The following SZRD1 variants were observed in gnomAD, a reference collection of about 807,000 sequenced individuals.
The protein encoded by SZRD1 is SUZ RNA-binding domain-containing.
Under a neutral mutation model 17.6 loss-of-function variants are expected in SZRD1, and 7 were observed. The observed-to-expected ratio is 0.40, with a 90% confidence interval of 0.23 to 0.75. The LOEUF (loss-of-function observed/expected upper bound fraction) is 0.75, where lower values mean the gene tolerates loss of function less well. Ranked by LOEUF, SZRD1 falls within the 30% of genes least tolerant of loss-of-function variation. The pLI is 0.38. For missense variants in SZRD1, 178 were observed against 201.8 expected (o/e 0.88, Z 0.71); for synonymous variants, 77 against 77.9 (o/e 0.99, Z 0.06).
intron 1 of SZRD1, among the ~76,000 whole-genome samples, chr1:16,376,143 T>A (rs988592894): frequency 6.6e-6 from 1 of 152,118 alleles, no homozygotes; most frequent in Admixed American, 6.6e-5. Context: ...GGGGAGGAAA[T>A]CATGTGGTCG....
chr1:16,391,392 G>A lies in SZRD1; in HGVS notation c.69G>A (p.Leu23=). The A allele has an allele frequency of 1.3e-6, 2 of 1,548,452 alleles. No individual in the cohort carries two copies. The highest frequency in any genetic ancestry group is 1.2e-5 in the South Asian group (1 of 83,912). Residue 23 remains leucine (L), a synonymous_variant, in exon 2 of 4, where the codon TTG becomes TTA. Coordinates refer to ENST00000401088, the MANE Select transcript of SZRD1 (RefSeq NM_001114600.3). The surrounding 1 kb of genome is among the most constrained non-coding windows in gnomAD (Gnocchi z 4.3). ...AADSGEIDRR[L]EKKLKITQKE... is the part of the protein sequence containing the mutation. ...TCCTCTAGGAAATAGACAGACGGTT[G>A]GAAAAAAAACTGAAGATCACACAAA... is the stretch of plus-strand genomic sequence containing the variant.
intron 1 of SZRD1, chr1:16,387,823 T>C (rs927239368): frequency 2.6e-6 from 1 of 389,390 alleles, no homozygotes; most frequent in Non-Finnish European, 5.0e-6. Context: ...ATATGAGCTG[T>C]AGTACTTACT....
chr1:16,371,566 A>G (rs1301338270), intron 1 of SZRD1, among the ~76,000 whole-genome samples: 1 of 144,656 alleles, frequency 6.9e-6, no homozygotes, highest in Non-Finnish European at 1.5e-5. Flanking sequence ...GGTTCACACC[A>G]TTCTCCTGCC....
chr1:16,367,841 G>A (rs1457117602), intron 1 of SZRD1: 5 of 153,074 alleles, frequency 3.3e-5, no homozygotes, highest in African/African-American at 1.2e-4. Context: ...CGTCACGGTG[G>A]ACGAGTCGGG....
chr1:16,384,659 G>A (rs2083158172), intron 1 of SZRD1, among the ~76,000 whole-genome samples: 1 of 152,246 alleles, frequency 6.6e-6, no homozygotes, highest in African/African-American at 2.4e-5. Context: ...AAGACATAAG[G>A]CTAGCATGGG....
chr1:16,395,840 C>T lies in SZRD1; in HGVS notation c.*700C>T, dbSNP rs542912730. ...AAAAGGGGCAGGGCTCTGCAGCCGC[C>T]AGGACAGACGAGCACCCCATGCCTA... is the stretch of plus-strand genomic sequence containing the variant. On this transcript the variant is annotated 3_prime_UTR_variant, in exon 4 of 4. Coordinates refer to ENST00000401088, the MANE Select transcript of SZRD1 (RefSeq NM_001114600.3). 2.4e-4 allele frequency: 37 copies of T among 153,968 alleles called. No homozygotes were observed. Among genetic ancestry groups the T allele is most frequent in the Non-Finnish European group, 4.6e-4 (32 of 68,976 alleles). The allele number at this position is 153,968 out of a possible 1,614,324, so 9.5% of individuals were successfully genotyped here.
intron 1 of SZRD1, among the ~76,000 whole-genome samples, chr1:16,374,622 G>A (rs2082968850): frequency 6.6e-6 from 1 of 152,124 alleles, no homozygotes; most frequent in African/African-American, 2.4e-5. Context: ...TAGGTCTGAT[G>A]ACTGAAAACA....
Position 16,395,115 on chromosome 1 carries a change from C to T in SZRD1, c.434C>T (p.Ser145Phe). 6.2e-7 allele frequency: 1 copy of T among 1,613,372 alleles called. No homozygotes were observed. The highest frequency in any genetic ancestry group is 2.2e-5 in the East Asian group (1 of 44,886). Residue 145 changes from serine to phenylalanine, a missense_variant, in exon 4 of 4, where the codon TCT becomes TTT. By Grantham distance (155) the Ser-to-Phe change is radical. This residue lies in a region of SZRD1 where 57 missense variants were observed against 71.9 expected (regional missense o/e 0.79). Transcript: ENST00000401088. ...VIRQPLGPDG[S>F]QGFKQRR ...AGACAGCCTTTGGGTCCTGATGGGT[C>T]TCAAGGCTTCAAACAGCGCAGATAA... is the stretch of plus-strand genomic sequence containing the variant.
intron 1 of SZRD1, among the ~76,000 whole-genome samples, chr1:16,382,770 A>T (rs1397655271): frequency 2.0e-5 from 3 of 152,100 alleles, no homozygotes; most frequent in Non-Finnish European, 4.4e-5. Context: ...TTCTGGGATT[A>T]CAGGCGTGAG....
intron 1 of SZRD1, among the ~76,000 whole-genome samples, chr1:16,372,152 G>A (rs74835076): frequency 0.027 from 4,084 of 150,810 alleles, 185 homozygotes; most frequent in African/African-American, 0.092. Flanking sequence ...ACAGGGTTTC[G>A]TCCTATATCC....
intron 1 of SZRD1, among the ~76,000 whole-genome samples, chr1:16,389,259 A>AT (rs1329672281): frequency 5.1e-5 from 1 of 19,488 alleles, no homozygotes; most frequent in African/African-American, 1.6e-4. Context: ...AATTTTTTGT[A>AT]TTTTTTTGAG....
rs1220234301 is a variant in SZRD1, at chr1:16,389,137, G to A, written c.52-2238G>A. 4.9e-5 allele frequency among the ~76,000 whole-genome samples: 7 copies of A among 144,118 alleles called. No individual in the cohort carries two copies. In the East Asian group the frequency reaches 1.2e-3, roughly 25 times the overall value. The allele number at this position is 144,118 out of a possible 152,430, so 94.5% of individuals were successfully genotyped here. On this transcript the variant is annotated intron_variant, in intron 1 of 3. Coordinates refer to ENST00000401088, the MANE Select transcript of SZRD1 (RefSeq NM_001114600.3). Reference sequence around the variant, plus strand: ...CTCGCTCTGTCGCCCAGGCTGGAGTGCAGTGGCACGATCTCAGCTCACTGC... The same window carrying A: ...CTCGCTCTGTCGCCCAGGCTGGAGTACAGTGGCACGATCTCAGCTCACTGC...
intron 1 of SZRD1, among the ~76,000 whole-genome samples, chr1:16,375,390 A>C (rs2082984384): frequency 6.6e-6 from 1 of 151,330 alleles, no homozygotes; most frequent in African/African-American, 2.4e-5. Flanking sequence ...ATTTCTGCTC[A>C]CTGAACCTCT....
At chr1:16,382,696 T>C (rs2083125160) in intron 1 of SZRD1, among the ~76,000 whole-genome samples, 1 of 152,042 alleles carries the variant, frequency 6.6e-6, no homozygotes, top group Non-Finnish European at 1.5e-5. Flanking sequence ...GGTTTCACCA[T>C]GTTGGCTATG....
chr1:16,376,992 G>A (rs1439125993), intron 1 of SZRD1, among the ~76,000 whole-genome samples: 1 of 151,936 alleles, frequency 6.6e-6, no homozygotes, highest in East Asian at 1.9e-4. Flanking sequence ...TTTAAATATT[G>A]AACTTGAATG....
intron 1 of SZRD1, among the ~76,000 whole-genome samples, chr1:16,381,085 T>TAAA (rs139686580): frequency 1.4e-3 from 170 of 123,144 alleles, no homozygotes; most frequent in African/African-American, 4.8e-3. Context: ...CCTGGCTCGT[T>TAAA]AAAAAAAAAA....
At position 16,393,918 on chromosome 1, in the gene SZRD1, G is replaced by A. The variant is rs1438629185; in HGVS notation, c.356+436G>A. On this transcript the variant is annotated intron_variant, in intron 3 of 3. Transcript: ENST00000401088. This position sits in a 1 kb window ranked among gnomAD's most constrained non-coding sequence, Gnocchi z 5.6. ...CAGTGAGTAAATGAGCATAGGATGT[G>A]GAGAGCCTGGGCTGGCAGAGTGGAA... Among the ~76,000 whole-genome samples, 3 of 152,196 alleles carry A rather than the reference G, an allele frequency of 2.0e-5. No homozygotes were observed. The highest frequency in any genetic ancestry group is 4.4e-5 in the Non-Finnish European group (3 of 68,038).
Position 16,393,588 on chromosome 1 carries a change from G to A in SZRD1, c.356+106G>A. ...AGTAGTGAGAAGCAAGCAGAGTCAGGGTAGGAACCATGCAGCTCCACTTGC... is the reference window on the plus strand; with the variant it reads ...AGTAGTGAGAAGCAAGCAGAGTCAGAGTAGGAACCATGCAGCTCCACTTGC... On this transcript the variant is annotated intron_variant, in intron 3 of 3. Coordinates refer to ENST00000401088, the MANE Select transcript of SZRD1 (RefSeq NM_001114600.3). The surrounding 1 kb of genome is among the most constrained non-coding windows in gnomAD (Gnocchi z 5.6). The A allele has an allele frequency of 1.6e-6, 2 of 1,266,748 alleles. No individual in the cohort carries two copies. Among genetic ancestry groups the A allele is most frequent in the Admixed American group, 4.4e-5 (2 of 45,162 alleles). 78.5% of individuals were successfully genotyped at this position (1,266,748 alleles called of 1,614,324 possible). A position where few individuals can be genotyped will look rare whatever the true frequency, so the allele number is the denominator to read the frequency against.
intron 1 of SZRD1, among the ~76,000 whole-genome samples, chr1:16,372,434 C>T (rs2082930348): frequency 6.6e-6 from 1 of 152,178 alleles, no homozygotes; most frequent in South Asian, 2.1e-4. Flanking sequence ...GATCGCACCA[C>T]TGCATTCCAG....
Sources: gnomAD v4.1 joint callset for allele counts (sites outside exome capture counted in the v4.1 genomes callset) on GRCh38, gnomAD v4.1.1 for gene constraint, gnomAD v4.1.1 regional missense constraint, Gnocchi (gnomAD v3.1) non-coding constraint, MANE v1.5 for transcripts, NCBI Gene and HGNC (gene_info 2026-07-23, HGNC 2026-07-21) for gene names.